Variants in PPIL4 observed in about 807,000 individuals in gnomAD.
PPIL4 encodes the protein peptidylprolyl isomerase like 4.
In PPIL4, 50 loss-of-function variants were observed where a neutral mutation model predicts 69.1. The observed-to-expected ratio is 0.72, with a 90% confidence interval of 0.58 to 0.92. The LOEUF (loss-of-function observed/expected upper bound fraction) is 0.92, where lower values mean the gene tolerates loss of function less well. Among genes scored for constraint, PPIL4 ranks in the 40% least tolerant of loss-of-function variants. PPIL4 has a pLI of 0.00. For synonymous variants in PPIL4, 193 were observed against 191.6 expected (o/e 1.01, Z -0.06); for missense variants, 480 against 587.9 (o/e 0.82, Z 1.90).
intron 10 of PPIL4, among the ~76,000 whole-genome samples, chr6:149,518,100 G>C (rs1776976185): frequency 6.6e-6 from 1 of 152,112 alleles, no homozygotes; most frequent in African/African-American, 2.4e-5. Flanking sequence ...TGAGAGGAGA[G>C]GGTGGGTAAT....
chr6:149,545,091 G>GT (rs1562263925), intron 1 of PPIL4, among the ~76,000 whole-genome samples: 1 of 152,118 alleles, frequency 6.6e-6, no homozygotes, highest in African/African-American at 2.4e-5. Flanking sequence ...TGACCTAGGC[G>GT]TATCTGACCA....
intron 1 of PPIL4, among the ~76,000 whole-genome samples, chr6:149,544,591 TA>T (rs2115042701): frequency 6.6e-6 from 1 of 152,296 alleles, no homozygotes; most frequent in African/African-American, 2.4e-5. Flanking sequence ...ATAAAAGACC[TA>T]AGACACAGCA....
At chr6:149,522,233 T>A (rs1055867599) in intron 9 of PPIL4, among the ~76,000 whole-genome samples, 3 of 149,934 alleles carry the variant, frequency 2.0e-5, no homozygotes, top group Non-Finnish European at 4.4e-5. Flanking sequence ...GAAGATCACT[T>A]TTTCAGGAGG....
chr6:149,527,995 C>T (rs1777137155), intron 7 of PPIL4, among the ~76,000 whole-genome samples: 1 of 152,210 alleles, frequency 6.6e-6, no homozygotes, highest in South Asian at 2.1e-4. Context: ...ATAGCTCACA[C>T]CTGTAATCCC....
At chr6:149,512,367 TG>T in intron 11 of PPIL4, 65 bp from the exon 12 acceptor site, 1 of 1,306,542 alleles carries the variant, frequency 7.7e-7, no homozygotes, top group Non-Finnish European at 1.1e-6. Context: ...ACTTAAGATC[TG>T]GTAAACAAAG....
chr6:149,512,106 G>A (rs1776853382), intron 12 of PPIL4, 49 bp downstream of exon 12: 3 of 1,423,816 alleles, frequency 2.1e-6, no homozygotes, highest in Non-Finnish European at 2.9e-6. Flanking sequence ...CATTTACAGA[G>A]GGATAAAATA....
At chr6:149,515,339 T>A (rs1776927603) in intron 11 of PPIL4, among the ~76,000 whole-genome samples, 1 of 152,016 alleles carries the variant, frequency 6.6e-6, no homozygotes, top group South Asian at 2.1e-4. Flanking sequence ...CATGAGCCAC[T>A]GCACCCAGCC....
chr6:149,529,282 G>A (rs2115035388), intron 7 of PPIL4, among the ~76,000 whole-genome samples: 1 of 150,668 alleles, frequency 6.6e-6, no homozygotes, highest in Non-Finnish European at 1.5e-5. Flanking sequence ...GCAACATAGT[G>A]AGACTCTGTC....
At chr6:149,509,901 A>G (rs1399597931) in intron 12 of PPIL4, among the ~76,000 whole-genome samples, 1 of 152,126 alleles carries the variant, frequency 6.6e-6, no homozygotes, top group Non-Finnish European at 1.5e-5. Flanking sequence ...AGGACCAAAA[A>G]ATATTAACTA....
At chr6:149,533,247 T>TA (rs1229380965) in intron 7 of PPIL4, among the ~76,000 whole-genome samples, 1 of 152,202 alleles carries the variant, frequency 6.6e-6, no homozygotes, top group East Asian at 1.9e-4. Flanking sequence ...TTCCCACTGT[T>TA]TAAAAAGGCA....
At chr6:149,516,719 C>G (rs1332423899) in intron 11 of PPIL4, among the ~76,000 whole-genome samples, 1 of 152,086 alleles carries the variant, frequency 6.6e-6, no homozygotes, top group East Asian at 1.9e-4. Flanking sequence ...CTTTTTAATC[C>G]TACAAAAGTG....
rs554912322 is a variant in PPIL4, at chr6:149,534,048, C to A, written c.562-474G>T. ...GCATGCACCTACAATCCCAGCAACT[C>A]AAGAGGCTGAGGCACGAGAATTGCT... On this transcript the variant is annotated intron_variant, in intron 6 of 12. Coordinates refer to ENST00000253329, the MANE Select transcript of PPIL4 (RefSeq NM_139126.4). Among the ~76,000 whole-genome samples, 20 of 152,116 alleles carry A rather than the reference C, an allele frequency of 1.3e-4. No individual in the cohort carries two copies. The East Asian group carries it at 2.9e-3, about 22-fold the overall frequency.
intron 9 of PPIL4, among the ~76,000 whole-genome samples, chr6:149,522,611 T>G (rs1777045270): frequency 6.6e-6 from 1 of 152,126 alleles, no homozygotes; most frequent in Non-Finnish European, 1.5e-5. Flanking sequence ...GGACAACTTT[T>G]TATTTATGTA....
chr6:149,522,541 C>T (rs1777044337), intron 9 of PPIL4, among the ~76,000 whole-genome samples: 1 of 152,158 alleles, frequency 6.6e-6, no homozygotes, highest in Non-Finnish European at 1.5e-5. Flanking sequence ...TACTACAGAG[C>T]TGTGGGGCAG....
At chr6:149,537,430 G>A (rs577427164) in intron 4 of PPIL4, among the ~76,000 whole-genome samples, 66 of 152,232 alleles carry the variant, frequency 4.3e-4, no homozygotes, top group East Asian at 1.5e-3. Context: ...TAAATCGGCC[G>A]GGCGCGGTGG....
At position 149,505,155 on chromosome 6, in the gene PPIL4, G is replaced by A. The variant is rs952306966; in HGVS notation, c.*298C>T. On this transcript the variant is annotated 3_prime_UTR_variant, in exon 13 of 13. Transcript: ENST00000253329. Reference sequence around the variant, plus strand: ...ACATTTATTATCCCTTTATATATACGTTTATGTATTTTTGTAGTATGAAAT... The same window carrying A: ...ACATTTATTATCCCTTTATATATACATTTATGTATTTTTGTAGTATGAAAT... 3 of 241,636 alleles carry A rather than the reference G, an allele frequency of 1.2e-5. No individual in the cohort carries two copies. The highest frequency in any genetic ancestry group is 6.8e-5 in the South Asian group (1 of 14,782). 15.0% of individuals were successfully genotyped at this position (241,636 alleles called of 1,614,324 possible).
intron 8 of PPIL4, 27 bp from the exon 9 acceptor site, chr6:149,525,236 T>TAAAA: frequency 3.2e-6 from 3 of 949,606 alleles, no homozygotes; most frequent in Non-Finnish European, 4.6e-6. Flanking sequence ...AAAAGTGACT[T>TAAAA]AAAAAAAAAA....
chr6:149,531,717 C>T (rs189600099), intron 7 of PPIL4, among the ~76,000 whole-genome samples: 6 of 151,908 alleles, frequency 3.9e-5, no homozygotes, highest in Admixed American at 6.6e-5. Flanking sequence ...TTGCCCAGGC[C>T]GGAGTGCAAT....
chr6:149,518,522 G>A (rs1218992406), intron 10 of PPIL4, among the ~76,000 whole-genome samples: 1 of 152,094 alleles, frequency 6.6e-6, no homozygotes, highest in Non-Finnish European at 1.5e-5. Context: ...TGATTGTCAG[G>A]GTTTTAAAGG....
Sources: gnomAD v4.1 joint callset for allele counts (sites outside exome capture counted in the v4.1 genomes callset) on GRCh38, gnomAD v4.1.1 for gene constraint, MANE v1.5 for transcripts, NCBI Gene and HGNC (gene_info 2026-07-23, HGNC 2026-07-21) for gene names.